Variants in ATP13A3 observed in about 807,000 individuals in gnomAD.
ATP13A3 encodes the protein polyamine-transporting ATPase 13A3.
ATP13A3 carries 59 observed loss-of-function variants against 158.1 expected under a neutral mutation model. The observed-to-expected ratio is 0.37, with a 90% CI of 0.30 to 0.46. The LOEUF (loss-of-function observed/expected upper bound fraction) is 0.46. Ranked by LOEUF, ATP13A3 falls within the 20% of genes least tolerant of loss-of-function variation. The probability of loss-of-function intolerance (pLI) is 1.00; values close to 1 mark genes in which losing one functional copy is unlikely to be tolerated. For missense variants in ATP13A3, 1,166 were observed against 1,525.2 expected (o/e 0.76, Z 3.92); for synonymous variants, 491 against 504.3 (o/e 0.97, Z 0.35).
At chr3:194,487,213 C>T (rs1721051641), upstream of ATP13A3, among the ~76,000 whole-genome samples, 1 of 152,174 alleles carries the variant, frequency 6.6e-6, no homozygotes, top group Non-Finnish European at 1.5e-5. Context: ...TGGGTGTCAG[C>T]CCGGGGTGGC....
At chr3:194,487,140 A>G (rs1221512578), upstream of ATP13A3, 1 of 152,048 alleles carries the variant, frequency 6.6e-6, no homozygotes, top group Non-Finnish European at 1.5e-5. Flanking sequence ...CGCCTTTGCC[A>G]CCCTCGAACG....
intron 15 of ATP13A3, among the ~76,000 whole-genome samples, chr3:194,442,753 T>C (rs992107729): frequency 2.6e-5 from 4 of 152,020 alleles, no homozygotes; most frequent in African/African-American, 9.7e-5. Context: ...ATGAATCCTG[T>C]ACACACAAAT....
chr3:194,440,730 T>C (rs1666749901), intron 16 of ATP13A3, among the ~76,000 whole-genome samples: 1 of 151,976 alleles, frequency 6.6e-6, no homozygotes, highest in Non-Finnish European at 1.5e-5. Context: ...TCAAAGAAAA[T>C]AAATAATTCA....
chr3:194,434,624 A>G (rs6774640), intron 20 of ATP13A3, among the ~76,000 whole-genome samples: 8,204 of 152,288 alleles, frequency 0.054, 555 homozygotes, highest in African/African-American at 0.16. Flanking sequence ...TTACGTTCTT[A>G]AGAAATCTCA....
chr3:194,476,285 C>T (rs2109040749), intron 2 of ATP13A3, among the ~76,000 whole-genome samples: 1 of 152,300 alleles, frequency 6.6e-6, no homozygotes, highest in Non-Finnish European at 1.5e-5. Flanking sequence ...GGTGGCACTA[C>T]TGGACCATCG....
At chr3:194,490,142 T>A (rs1473398433), upstream of ATP13A3, among the ~76,000 whole-genome samples, 1 of 152,120 alleles carries the variant, frequency 6.6e-6, no homozygotes, top group Non-Finnish European at 1.5e-5. This position sits in a 1 kb window ranked among gnomAD's most constrained non-coding sequence, Gnocchi z 4.4. Context: ...CCTCTCACTG[T>A]CCCCTTACTT....
intron 31 of ATP13A3, among the ~76,000 whole-genome samples, chr3:194,414,509 A>C (rs1715674669): frequency 6.6e-6 from 1 of 152,052 alleles, no homozygotes; most frequent in Non-Finnish European, 1.5e-5. Context: ...ACTGGTCAAA[A>C]CTCAATTATA....
chr3:194,430,005 A>G, intron 26 of ATP13A3, 67 bp downstream of exon 26: 3 of 1,361,552 alleles, frequency 2.2e-6, no homozygotes, highest in Non-Finnish European at 2.0e-6. Flanking sequence ...ACTTTTTATG[A>G]TAATTTTCTC....
Position 194,404,016 on chromosome 3 carries a change from T to C in ATP13A3, c.*1903A>G, listed in dbSNP as rs1434288826. The C allele has an allele frequency of 2.5e-6, 1 of 401,878 alleles. No homozygotes were observed. The highest frequency in any genetic ancestry group is 4.9e-6 in the Non-Finnish European group (1 of 203,634). 24.9% of individuals were successfully genotyped at this position (401,878 alleles called of 1,614,324 possible). A position where few individuals can be genotyped will look rare whatever the true frequency, so the allele number is the denominator to read the frequency against. On this transcript the variant is annotated 3_prime_UTR_variant, in exon 34 of 34. Coordinates refer to ENST00000645319, the MANE Select transcript of ATP13A3 (RefSeq NM_001367549.1). Reference sequence around the variant, plus strand: ...TTTTAAGCTGCTACTTAGCAATTACTTTCATTATATGCTTCAGTACTTAAA... The same window carrying C: ...TTTTAAGCTGCTACTTAGCAATTACCTTCATTATATGCTTCAGTACTTAAA...
chr3:194,408,158 T>C (rs907618471), intron 33 of ATP13A3, among the ~76,000 whole-genome samples: 2 of 151,980 alleles, frequency 1.3e-5, no homozygotes, highest in African/African-American at 4.8e-5. Context: ...TAGCTGGGAC[T>C]ACAGGCACGC....
chr3:194,447,487 A>G (rs1159436241), intron 13 of ATP13A3, among the ~76,000 whole-genome samples: 1 of 152,102 alleles, frequency 6.6e-6, no homozygotes, highest in Non-Finnish European at 1.5e-5. Flanking sequence ...CAATTAACTA[A>G]CCACAAATCA....
At chr3:194,493,912 G>A (rs1721176025) in intron 2 of ATP13A3, 2 of 356,498 alleles carry the variant, frequency 5.6e-6, no homozygotes, top group South Asian at 3.0e-4. Context: ...TAGGAAGGAG[G>A]TACTATTATT....
chr3:194,463,458 C>T (rs1258178479), intron 2 of ATP13A3, among the ~76,000 whole-genome samples: 1 of 151,912 alleles, frequency 6.6e-6, no homozygotes, highest in Non-Finnish European at 1.5e-5. Context: ...TTTGAAATAT[C>T]AGTTTTAATT....
At chr3:194,410,272 C>A (rs1376556046) in intron 33 of ATP13A3, among the ~76,000 whole-genome samples, 2 of 101,648 alleles carry the variant, frequency 2.0e-5, no homozygotes, top group Non-Finnish European at 3.5e-5. Flanking sequence ...CCAGCCCGGG[C>A]AACATGGCAA....
chr3:194,417,740 G>A (rs1318550932), intron 31 of ATP13A3, among the ~76,000 whole-genome samples: 1 of 152,028 alleles, frequency 6.6e-6, no homozygotes, highest in African/African-American at 2.4e-5. Flanking sequence ...GGAGTTGGGG[G>A]TCAGACTGGG....
intron 2 of ATP13A3, chr3:194,468,115 A>T (rs1160953057): frequency 1.3e-5 from 2 of 152,190 alleles, no homozygotes; most frequent in African/African-American, 4.8e-5. Context: ...TTCTGTCTGA[A>T]CTGCTTTCAA....
At chr3:194,462,485 C>T (rs1022777955) in intron 2 of ATP13A3, among the ~76,000 whole-genome samples, 15 of 152,178 alleles carry the variant, frequency 9.9e-5, no homozygotes, top group African/African-American at 3.1e-4. Flanking sequence ...GTGAACTGCG[C>T]GTGCAAGGGA....
In ATP13A3 at chr3:194,433,877, T is replaced by C. The variant is rs754481793; in HGVS notation, c.2140A>G (p.Met714Val). Residue 714 changes from methionine (M) to valine (V), a missense_variant, in exon 21 of 34, where the codon ATG becomes GTG. Physicochemically the swap from Met to Val is conservative, Grantham distance 21. Coordinates refer to ENST00000645319, the MANE Select transcript of ATP13A3 (RefSeq NM_001367549.1). ...ATTATAATTAATCCCATAAAATCCA[T>C]GTTGTTCTCAATTGCATCTCTGCAG... ...NISRDAIENN[M>V]DFMGLIIMQN... 4.3e-6 allele frequency: 7 copies of C among 1,613,828 alleles called. No individual in the cohort carries two copies. The Admixed American group carries it at 5.0e-5, about 12-fold the overall frequency.
intron 21 of ATP13A3, 91 bp downstream of exon 21, chr3:194,433,681 A>G: frequency 6.7e-7 from 1 of 1,500,650 alleles, no homozygotes; most frequent in Non-Finnish European, 9.1e-7. Flanking sequence ...AGACTATATA[A>G]TATGATTTTA....
Sources: allele counts gnomAD v4.1 joint callset (sites outside exome capture counted in the v4.1 genomes callset), GRCh38; gene constraint gnomAD v4.1.1; non-coding constraint Gnocchi (gnomAD v3.1); transcripts MANE v1.5; gene names NCBI Gene and HGNC (gene_info 2026-07-23, HGNC 2026-07-21).